SIPA1L1: variants seen among roughly 807,000 people sequenced by gnomAD.
SIPA1L1 encodes the protein signal induced proliferation associated 1 like 1.
A neutral mutation model predicts 162.7 loss-of-function variants in SIPA1L1; 26 were observed. The ratio of observed to expected loss-of-function variants is 0.16; its 90% confidence interval spans 0.12 to 0.22. SIPA1L1 has a LOEUF of 0.22. SIPA1L1 is among the 10% of genes least tolerant of loss of function. SIPA1L1 has a pLI of 1.00. For missense variants in SIPA1L1, 1,874 were observed against 2,241.0 expected, an observed-to-expected ratio of 0.84 and a Z score of 3.31; for synonymous variants, 829 against 837.4, an observed-to-expected ratio of 0.99 and a Z score of 0.17.
chr14:71,419,477 T>G (rs1323674712), intron 2 of SIPA1L1, among the ~76,000 whole-genome samples: 1 of 142,394 alleles, frequency 7.0e-6, no homozygotes, highest in African/African-American at 2.6e-5. Context: ...AAGGAGGATC[T>G]CTCTTTTTTT....
chr14:71,460,914 C>T (rs1013017230), intron 2 of SIPA1L1, among the ~76,000 whole-genome samples: 3 of 152,230 alleles, frequency 2.0e-5, no homozygotes, highest in African/African-American at 7.2e-5. Context: ...GGCCATTCCA[C>T]CGTTCTATCA....
At chr14:71,711,816 A>G (rs1597157507) in intron 17 of SIPA1L1, among the ~76,000 whole-genome samples, 1 of 152,370 alleles carries the variant, frequency 6.6e-6, no homozygotes, top group East Asian at 1.9e-4. Context: ...TCCTTTAGAA[A>G]TAACTCTCCT....
intron 6 of SIPA1L1, among the ~76,000 whole-genome samples, chr14:71,622,182 A>G (rs886458561): frequency 2.6e-5 from 4 of 152,262 alleles, no homozygotes; most frequent in Admixed American, 2.6e-4. Context: ...GCAGCAAGAT[A>G]ACAGAAATAC....
At chr14:71,466,044 C>A (rs899809385) in intron 2 of SIPA1L1, among the ~76,000 whole-genome samples, 1 of 152,166 alleles carries the variant, frequency 6.6e-6, no homozygotes, top group Non-Finnish European at 1.5e-5. Context: ...TTTGGCAGCA[C>A]CCTCACAGAC....
chr14:71,606,303 C>A (rs2037490757), intron 5 of SIPA1L1, among the ~76,000 whole-genome samples: 1 of 152,112 alleles, frequency 6.6e-6, no homozygotes, highest in Admixed American at 6.5e-5. Context: ...AATGGGTGAT[C>A]TTCCTCTGCT....
chr14:71,618,089 A>T (rs777030920), intron 5 of SIPA1L1, among the ~76,000 whole-genome samples: 10 of 152,232 alleles, frequency 6.6e-5, no homozygotes, highest in Non-Finnish European at 1.3e-4. Context: ...CTTAGGCAAA[A>T]GGCCAGAACA....
At chr14:71,641,226 A>G (rs2041677243) in intron 7 of SIPA1L1, among the ~76,000 whole-genome samples, 1 of 152,112 alleles carries the variant, frequency 6.6e-6, no homozygotes, top group Non-Finnish European at 1.5e-5. Context: ...AACTGATGAA[A>G]GACAAGCATT....
At chr14:71,429,505 A>AC (rs1170657640) in intron 2 of SIPA1L1, among the ~76,000 whole-genome samples, 4 of 148,658 alleles carry the variant, frequency 2.7e-5, no homozygotes, top group Admixed American at 2.7e-4. Context: ...ATGGGGATTG[A>AC]TTTTTTTTTT....
At chr14:71,385,907 C>T (rs979236379) in intron 2 of SIPA1L1, among the ~76,000 whole-genome samples, 3 of 151,862 alleles carry the variant, frequency 2.0e-5, no homozygotes, top group African/African-American at 7.3e-5. Context: ...AGGATGGTCT[C>T]GATCTCCTGA....
intron 22 of SIPA1L1, among the ~76,000 whole-genome samples, chr14:71,735,877 A>G (rs1223203161): frequency 6.6e-6 from 1 of 152,238 alleles, no homozygotes; most frequent in African/African-American, 2.4e-5. Context: ...AAAGTAGGCA[A>G]TAACTGAGGT....
At chr14:71,486,099 A>G (rs2142904172) in intron 2 of SIPA1L1, among the ~76,000 whole-genome samples, 1 of 152,362 alleles carries the variant, frequency 6.6e-6, no homozygotes, top group Middle Eastern at 3.4e-3. Context: ...AATCATACGG[A>G]TGTGCGATTT....
intron 5 of SIPA1L1, among the ~76,000 whole-genome samples, chr14:71,612,196 A>G (rs939368514): frequency 2.0e-5 from 3 of 152,146 alleles, no homozygotes; most frequent in Non-Finnish European, 4.4e-5. Context: ...TGTATGATCA[A>G]TTAGGGTAAT....
chr14:71,598,085 C>A, intron 5 of SIPA1L1: 1 of 397,714 alleles, frequency 2.5e-6, no homozygotes, highest in Non-Finnish European at 3.4e-6. Context: ...GTGTTATACT[C>A]CAGACACTGA....
intron 4 of SIPA1L1, among the ~76,000 whole-genome samples, chr14:71,532,251 T>G (rs946046850): frequency 3.3e-5 from 5 of 152,202 alleles, no homozygotes; most frequent in African/African-American, 1.2e-4. Flanking sequence ...ATGTTATAGT[T>G]GGGTTTTAAG....
At chr14:71,466,114 C>A (rs768788920) in intron 2 of SIPA1L1, among the ~76,000 whole-genome samples, 1 of 152,150 alleles carries the variant, frequency 6.6e-6, no homozygotes, top group Non-Finnish European at 1.5e-5. Context: ...CAGTATTAAC[C>A]ATCACAGGGC....
At chr14:71,649,026 G>T (rs531057564) in intron 7 of SIPA1L1, among the ~76,000 whole-genome samples, 12 of 152,230 alleles carry the variant, frequency 7.9e-5, no homozygotes, top group African/African-American at 2.9e-4. Flanking sequence ...GTAGTGCCTG[G>T]CATATGATAG....
chr14:71,591,520 A>G (rs1326979410), intron 5 of SIPA1L1, among the ~76,000 whole-genome samples: 2 of 152,214 alleles, frequency 1.3e-5, no homozygotes, highest in African/African-American at 4.8e-5. Flanking sequence ...CATAAATCTA[A>G]TACCCACTAA....
chr14:71,523,667 C>G (rs897871906), intron 3 of SIPA1L1, among the ~76,000 whole-genome samples: 6 of 152,110 alleles, frequency 3.9e-5, no homozygotes, highest in Non-Finnish European at 8.8e-5. Flanking sequence ...GGTGGTTTTT[C>G]TACTTCCATT....
intron 22 of SIPA1L1, among the ~76,000 whole-genome samples, chr14:71,736,978 T>G (rs1181972240): frequency 6.6e-6 from 1 of 152,334 alleles, no homozygotes; most frequent in East Asian, 1.9e-4. Context: ...CCGCCCCTTT[T>G]CTACCACATC....
Sources: allele counts gnomAD v4.1 joint callset (sites outside exome capture counted in the v4.1 genomes callset), GRCh38; gene constraint gnomAD v4.1.1; transcripts MANE v1.5; gene names NCBI Gene and HGNC (gene_info 2026-07-23, HGNC 2026-07-21).